ROBO2: variants seen among roughly 807,000 people sequenced by gnomAD.
The protein encoded by ROBO2 is roundabout guidance receptor 2.
A neutral mutation model predicts 160.8 loss-of-function variants in ROBO2; 53 were observed. The observed-to-expected ratio is 0.33, with a 90% CI of 0.26 to 0.41. The LOEUF (loss-of-function observed/expected upper bound fraction) is 0.41, where lower values mean the gene tolerates loss of function less well. Ranked by LOEUF, ROBO2 falls within the 10% of genes least tolerant of loss-of-function variation. The pLI, the probability that ROBO2 is intolerant of heterozygous loss-of-function variation, is 1.00. For missense variants in ROBO2, 1,577 were observed against 1,722.4 expected, an observed-to-expected ratio of 0.92 and a Z score of 1.49; for synonymous variants, 664 against 611.7, an observed-to-expected ratio of 1.09 and a Z score of -1.26.
intron 2 of ROBO2, among the ~76,000 whole-genome samples, chr3:76,999,130 A>G (rs536731393): frequency 6.6e-6 from 1 of 151,986 alleles, no homozygotes; most frequent in African/African-American, 2.4e-5. Flanking sequence ...ATTTTCAATT[A>G]TCTACTGAGA....
chr3:76,716,542 T>C (rs1422537160), intron 2 of ROBO2, among the ~76,000 whole-genome samples: 3 of 152,080 alleles, frequency 2.0e-5, no homozygotes, highest in Non-Finnish European at 1.5e-5. Flanking sequence ...TGAATCTAGA[T>C]TGTTATATAT....
At chr3:76,253,038 A>G (rs1488829881) in intron 2 of ROBO2, among the ~76,000 whole-genome samples, 3 of 152,036 alleles carry the variant, frequency 2.0e-5, no homozygotes, top group Non-Finnish European at 4.4e-5. Context: ...CTGATTTTAG[A>G]GTTAGTCACA....
At chr3:76,925,560 A>C (rs2076943137) in intron 2 of ROBO2, among the ~76,000 whole-genome samples, 1 of 152,230 alleles carries the variant, frequency 6.6e-6, no homozygotes. Flanking sequence ...TAAACAACAT[A>C]GCAGAAGTGT....
chr3:77,520,191 A>T (rs2090452026), intron 5 of ROBO2, among the ~76,000 whole-genome samples: 1 of 151,468 alleles, frequency 6.6e-6, no homozygotes, highest in East Asian at 2.0e-4. Flanking sequence ...ATTTTTGTCC[A>T]AATTATGTAC....
At chr3:76,603,904 G>C (rs1318710738) in intron 2 of ROBO2, among the ~76,000 whole-genome samples, 1 of 152,126 alleles carries the variant, frequency 6.6e-6, no homozygotes, top group Non-Finnish European at 1.5e-5. Context: ...GGCATATGCA[G>C]CATGTCTTAC....
chr3:76,612,257 A>G (rs73114451), intron 2 of ROBO2, among the ~76,000 whole-genome samples: 7,147 of 152,272 alleles, frequency 0.047, 258 homozygotes, highest in African/African-American at 0.096. Context: ...TTCTGTAAAT[A>G]TCCATTGGGT....
intron 2 of ROBO2, among the ~76,000 whole-genome samples, chr3:76,211,177 C>A (rs537014329): frequency 1.4e-4 from 22 of 152,162 alleles, no homozygotes; most frequent in Admixed American, 9.8e-4. Flanking sequence ...GCTTCAGGAG[C>A]CATACTTACC....
At chr3:77,378,206 A>C (rs4234496) in intron 2 of ROBO2, among the ~76,000 whole-genome samples, 125,423 of 152,128 alleles carry the variant, frequency 0.82, 51,931 homozygotes, top group East Asian at 1. Flanking sequence ...TGTCTTATTG[A>C]AACTCAATAG....
chr3:76,493,411 G>T (rs1214269666), intron 2 of ROBO2, among the ~76,000 whole-genome samples: 1 of 139,320 alleles, frequency 7.2e-6, no homozygotes, highest in African/African-American at 2.7e-5. Flanking sequence ...ACAACAGTAA[G>T]AAAAGTCCAT....
At chr3:76,412,132 C>T (rs1407663809) in intron 2 of ROBO2, among the ~76,000 whole-genome samples, 4 of 152,268 alleles carry the variant, frequency 2.6e-5, no homozygotes, top group Admixed American at 1.3e-4. Flanking sequence ...GAAGCAAAAG[C>T]AGAAACCACT....
chr3:77,005,292 A>G (rs974971003), intron 2 of ROBO2, among the ~76,000 whole-genome samples: 3 of 152,170 alleles, frequency 2.0e-5, no homozygotes, highest in Non-Finnish European at 4.4e-5. Flanking sequence ...TTTTTTACCC[A>G]GGTCTTTACA....
At chr3:77,589,240 A>G (rs996772025) in intron 17 of ROBO2, among the ~76,000 whole-genome samples, 1 of 144,262 alleles carries the variant, frequency 6.9e-6, no homozygotes, top group African/African-American at 2.6e-5. Context: ...ACACACACAC[A>G]TGCACACGCA....
At chr3:77,328,967 A>G (rs187712494) in intron 2 of ROBO2, among the ~76,000 whole-genome samples, 2 of 152,308 alleles carry the variant, frequency 1.3e-5, no homozygotes, top group East Asian at 3.9e-4. Flanking sequence ...CAATGCTGGA[A>G]CACAACTTTT....
chr3:76,048,340 A>G (rs1425461483), intron 2 of ROBO2, among the ~76,000 whole-genome samples: 2 of 152,174 alleles, frequency 1.3e-5, no homozygotes, highest in Non-Finnish European at 2.9e-5. Flanking sequence ...TTAAAATTAA[A>G]CTTATATTTG....
At chr3:76,568,463 ATTTT>A (rs56210601) in intron 2 of ROBO2, among the ~76,000 whole-genome samples, 13 of 143,118 alleles carry the variant, frequency 9.1e-5, no homozygotes, top group African/African-American at 2.3e-4. Context: ...CGCCCAGATA[ATTTT>A]TTTTTTTTTT....
intron 2 of ROBO2, among the ~76,000 whole-genome samples, chr3:76,744,036 A>G (rs752238062): frequency 3.3e-5 from 5 of 152,152 alleles, no homozygotes; most frequent in Non-Finnish European, 5.9e-5. Context: ...CTGACAGATG[A>G]CTTCACATAC....
At chr3:76,429,416 T>C (rs2076349872) in intron 2 of ROBO2, among the ~76,000 whole-genome samples, 1 of 152,182 alleles carries the variant, frequency 6.6e-6, no homozygotes, top group Non-Finnish European at 1.5e-5. Context: ...GAACAATTCC[T>C]AGTGCTATAT....
chr3:77,484,165 T>C (rs1037521759), intron 4 of ROBO2, among the ~76,000 whole-genome samples: 6 of 152,004 alleles, frequency 3.9e-5, no homozygotes, highest in African/African-American at 1.4e-4. Context: ...ATCTAAAAAT[T>C]AGAAGTAGGT....
Position 77,361,148 on chromosome 3 carries a change from G to A in ROBO2, c.389-116266G>A, listed in dbSNP as rs140266674. On this transcript the variant is annotated intron_variant, in intron 2 of 25. Transcript: ENST00000461745. ...TCATAAAATACCTTTTTAAAGTAAG[G>A]TTGCCAGATTAAATGCAGTTTGCCC... Among the ~76,000 whole-genome samples, 51 of 152,188 alleles carry A rather than the reference G, an allele frequency of 3.4e-4. 1 individual carries two copies. In the East Asian group the frequency reaches 9.9e-3, roughly 29 times the overall value.
Sources: allele counts gnomAD v4.1 joint callset (sites outside exome capture counted in the v4.1 genomes callset), GRCh38; gene constraint gnomAD v4.1.1; transcripts MANE v1.5; gene names NCBI Gene and HGNC (gene_info 2026-07-23, HGNC 2026-07-21).